MARK1: variants seen among roughly 807,000 people sequenced by gnomAD.
The protein encoded by MARK1 is microtubule affinity regulating kinase 1, also known as serine/threonine-protein kinase MARK1.
Under a neutral mutation model 96.3 loss-of-function variants are expected in MARK1, and 40 were observed. The observed-to-expected ratio is 0.42, with a 90% confidence interval of 0.32 to 0.54. The LOEUF is 0.54. Among genes scored for constraint, MARK1 ranks in the 20% least tolerant of loss-of-function variants. The probability of loss-of-function intolerance (pLI) is 0.16; values close to 1 mark genes in which losing one functional copy is unlikely to be tolerated. For missense variants in MARK1, 719 were observed against 984.6 expected, an observed-to-expected ratio of 0.73 and a Z score of 3.61; for synonymous variants, 317 against 341.2, an observed-to-expected ratio of 0.93 and a Z score of 0.78.
intron 3 of MARK1, among the ~76,000 whole-genome samples, chr1:220,586,011 A>ACACGCGCGCG (rs112968910): frequency 4.7e-5 from 7 of 148,534 alleles, no homozygotes; most frequent in Admixed American, 6.6e-5. Context: ...ACACACACAC[A>ACACGCGCGCG]CGCGCGCGTG....
chr1:220,641,319 T>C (rs1668255891), intron 13 of MARK1, among the ~76,000 whole-genome samples: 1 of 152,130 alleles, frequency 6.6e-6, no homozygotes, highest in Non-Finnish European at 1.5e-5. Flanking sequence ...GATTAGGTCA[T>C]GAGGGCCCTC....
chr1:220,605,699 G>A (rs1666032760), intron 6 of MARK1, among the ~76,000 whole-genome samples: 1 of 144,876 alleles, frequency 6.9e-6, no homozygotes, highest in Non-Finnish European at 1.5e-5. Context: ...AGTGTGTGAT[G>A]TTCCCTGCCC....
rs1260602063 is a variant in MARK1 at position 220,528,278 on chromosome 1, G to C, written c.-545G>C. On this transcript the variant is annotated 5_prime_UTR_variant, in exon 1 of 18. Transcript: ENST00000366917. ...GCGCGGACCGAGCCGAGACATTCGC[G>C]CCGGGGGATCGGGCGCCGCCGCCGC... The C allele has an allele frequency of 6.6e-6, 1 of 151,172 alleles. No homozygotes were observed. The highest frequency in any genetic ancestry group is 6.6e-5 in the Admixed American group (1 of 15,160). The allele number at this position is 151,172 out of a possible 1,614,324, so 9.4% of individuals were successfully genotyped here. A position where few individuals can be genotyped will look rare whatever the true frequency, so the allele number is the denominator to read the frequency against.
At chr1:220,607,106 C>A (rs900440346) in intron 6 of MARK1, among the ~76,000 whole-genome samples, 4 of 152,048 alleles carry the variant, frequency 2.6e-5, no homozygotes, top group African/African-American at 7.2e-5. Flanking sequence ...TATAAATTAC[C>A]TTGGGTAGCA....
At chr1:220,604,337 A>G (rs2102922354) in intron 6 of MARK1, among the ~76,000 whole-genome samples, 200 bp downstream of exon 6, 1 of 152,128 alleles carries the variant, frequency 6.6e-6, no homozygotes. Context: ...TTATTTTCAG[A>G]TTGTCATAAA....
At chr1:220,594,816 A>C (rs928575970) in intron 3 of MARK1, among the ~76,000 whole-genome samples, 2 of 152,244 alleles carry the variant, frequency 1.3e-5, no homozygotes, top group Admixed American at 1.3e-4. Context: ...ATTCTGGAAA[A>C]GGCAAAACTG....
intron 6 of MARK1, among the ~76,000 whole-genome samples, chr1:220,607,242 C>G (rs1666138325): frequency 6.6e-6 from 1 of 152,068 alleles, no homozygotes; most frequent in South Asian, 2.1e-4. Flanking sequence ...CTTCACGTCC[C>G]TTGTAAGTTG....
intron 9 of MARK1, among the ~76,000 whole-genome samples, chr1:220,619,177 G>C (rs777791175): frequency 1.9e-4 from 29 of 152,282 alleles, no homozygotes; most frequent in Non-Finnish European, 2.6e-4. Context: ...TTGATATCTA[G>C]CATTTAAAAA....
chr1:220,548,456 C>T (rs889345348), intron 1 of MARK1, among the ~76,000 whole-genome samples: 1 of 152,094 alleles, frequency 6.6e-6, no homozygotes. Context: ...GAACAAACAT[C>T]GGGTTGGGCA....
chr1:220,652,079 G>A lies in MARK1; in HGVS notation c.1665G>A (p.Met555Ile), dbSNP rs1345751334. Reference protein sequence around the residue: ...PSARPRHQKSMSTSGHPIKVT... With the variant: ...PSARPRHQKSISTSGHPIKVT... ...CACGACCCCGCCACCAGAAGTCCAT[G>A]TCCACTTCTGGTCATCCTATTAAAG... The change falls in exon 15 of 18, where the codon ATG becomes ATA. Residue 555 changes from methionine to isoleucine, a missense_variant. Coordinates refer to ENST00000366917, the MANE Select transcript of MARK1 (RefSeq NM_018650.5). 2.5e-6 allele frequency: 4 copies of A among 1,613,390 alleles called. No individual in the cohort carries two copies. The East Asian group carries it at 6.7e-5, about 27-fold the overall frequency.
chr1:220,635,321 A>G (rs552649014), intron 11 of MARK1, 55 bp from the exon 12 acceptor site: 2 of 1,330,304 alleles, frequency 1.5e-6, no homozygotes, highest in East Asian at 2.3e-5. Context: ...GTGTTTGTGC[A>G]AACTTTTTTT....
At chr1:220,572,819 T>G (rs1167502765) in intron 1 of MARK1, among the ~76,000 whole-genome samples, 4 of 152,200 alleles carry the variant, frequency 2.6e-5, no homozygotes, top group Non-Finnish European at 5.9e-5. Context: ...TTCTTTAGCA[T>G]TTTTTATAGT....
chr1:220,575,088 A>G (rs893880428), intron 1 of MARK1, among the ~76,000 whole-genome samples: 2 of 152,218 alleles, frequency 1.3e-5, no homozygotes, highest in Non-Finnish European at 2.9e-5. Flanking sequence ...AAAGGCGGGG[A>G]AAATTCTCTT....
intron 1 of MARK1, among the ~76,000 whole-genome samples, chr1:220,529,781 T>C (rs1658476751): frequency 1.3e-5 from 2 of 152,022 alleles, no homozygotes; most frequent in African/African-American, 4.8e-5. Context: ...AGTACAGTTG[T>C]GTGTGTGTGT....
In MARK1 at chr1:220,652,069, A is replaced by G. The variant is rs1235215168; in HGVS notation, c.1655A>G (p.Gln552Arg). ...GTCCCCTCAGCACGACCCCGCCACC[A>G]GAAGTCCATGTCCACTTCTGGTCAT... Reference protein sequence around the residue: ...SAVPSARPRHQKSMSTSGHPI... With the variant: ...SAVPSARPRHRKSMSTSGHPI... Residue 552 changes from glutamine (Q) to arginine (R), a missense_variant, in exon 15 of 18, where the codon CAG becomes CGG. By Grantham distance (43) the Gln-to-Arg change is conservative (BLOSUM62 1). Transcript: ENST00000366917. 1.2e-6 allele frequency: 2 copies of G among 1,613,788 alleles called. No homozygotes were observed. The highest frequency in any genetic ancestry group is 8.5e-7 in the Non-Finnish European group (1 of 1,179,834).
chr1:220,569,256 T>C (rs1663268746), intron 1 of MARK1, among the ~76,000 whole-genome samples: 1 of 152,186 alleles, frequency 6.6e-6, no homozygotes, highest in Non-Finnish European at 1.5e-5. Flanking sequence ...GGAAGTTTAG[T>C]ATTTTAAAAT....
intron 1 of MARK1, among the ~76,000 whole-genome samples, chr1:220,565,738 T>C (rs1663003093): frequency 2.0e-5 from 3 of 152,198 alleles, no homozygotes. Context: ...CCTGTAAGAA[T>C]TCCCATCAGA....
At chr1:220,604,663 A>G (rs1665959014) in intron 6 of MARK1, among the ~76,000 whole-genome samples, 1 of 152,034 alleles carries the variant, frequency 6.6e-6, no homozygotes, top group African/African-American at 2.4e-5. Context: ...TAAGATACTC[A>G]TATTTCCAGT....
rs1022522700 is a variant in MARK1 at position 220,626,843 on chromosome 1, G to A, written c.910-4192G>A. The A allele has an allele frequency of 1.2e-4, 51 of 409,496 alleles. No homozygotes were observed. The Middle Eastern group carries it at 3.7e-3, about 30-fold the overall frequency. 25.4% of individuals were successfully genotyped at this position (409,496 alleles called of 1,614,324 possible). ...TCAAAAAAAAAAAAAAAGGGTTGAG[G>A]GGGGCATGCCAAGTGTATGGAATTT... On this transcript the variant is annotated intron_variant, in intron 9 of 17. Coordinates refer to ENST00000366917, the MANE Select transcript of MARK1 (RefSeq NM_018650.5).
Sources: allele counts gnomAD v4.1 joint callset (sites outside exome capture counted in the v4.1 genomes callset), GRCh38; gene constraint gnomAD v4.1.1; transcripts MANE v1.5; gene names NCBI Gene and HGNC (gene_info 2026-07-23, HGNC 2026-07-21).